Variants in APBA2 observed in about 807,000 individuals in gnomAD.
APBA2 encodes the protein amyloid beta precursor protein binding family A member 2, also known as amyloid-beta A4 precursor protein-binding family A member 2.
APBA2 carries 30 observed loss-of-function variants against 75.0 expected under a neutral mutation model. That is an observed-to-expected ratio of 0.40 (90% confidence interval 0.30 to 0.54). The LOEUF (loss-of-function observed/expected upper bound fraction) is 0.54. APBA2 is among the 20% of genes least tolerant of loss of function. The pLI is 0.49. For missense variants in APBA2, 801 were observed against 1,016.1 expected, an observed-to-expected ratio of 0.79 and a Z score of 2.88; for synonymous variants, 444 against 409.6, an observed-to-expected ratio of 1.08 and a Z score of -1.01.
At chr15:28,937,113 A>G (rs1352280588) in intron 2 of APBA2, among the ~76,000 whole-genome samples, 1 of 152,150 alleles carries the variant, frequency 6.6e-6, no homozygotes, top group African/African-American at 2.4e-5. Context: ...CAGGCCTCCC[A>G]TGTGCCCGGT....
At chr15:29,096,775 C>T (rs1337397668) in intron 8 of APBA2, among the ~76,000 whole-genome samples, 1 of 152,186 alleles carries the variant, frequency 6.6e-6, no homozygotes, top group East Asian at 1.9e-4. Context: ...ATAGTTTTTG[C>T]TGTTTCGAAA....
intron 1 of APBA2, among the ~76,000 whole-genome samples, chr15:28,890,842 T>C (rs185727168): frequency 6.6e-6 from 1 of 152,370 alleles, no homozygotes; most frequent in Admixed American, 6.5e-5. Flanking sequence ...CCACGTAGCC[T>C]TGGGCCTGTG....
intron 1 of APBA2, among the ~76,000 whole-genome samples, chr15:28,920,778 G>A (rs1048364008): frequency 6.6e-6 from 1 of 152,204 alleles, no homozygotes; most frequent in Admixed American, 6.5e-5. Context: ...GGGGTTGGGA[G>A]CAGGTGCTGG....
chr15:28,978,221 C>T (rs1431957512), intron 2 of APBA2, among the ~76,000 whole-genome samples: 8 of 152,198 alleles, frequency 5.3e-5, no homozygotes, highest in Non-Finnish European at 8.8e-5. Context: ...TCATTCATGT[C>T]GCTTCCCAGT....
At chr15:29,086,236 C>A (rs927262959) in intron 6 of APBA2, among the ~76,000 whole-genome samples, 3 of 152,158 alleles carry the variant, frequency 2.0e-5, no homozygotes, top group Non-Finnish European at 4.4e-5. Flanking sequence ...AGTGGATGCT[C>A]CCCTCTTCAG....
chr15:29,048,587 A>G (rs534457063), intron 3 of APBA2, among the ~76,000 whole-genome samples: 1 of 152,338 alleles, frequency 6.6e-6, no homozygotes, highest in East Asian at 1.9e-4. Context: ...TGCTGGGCAG[A>G]TAGAAATGAT....
chr15:28,950,674 T>C (rs992764471), intron 2 of APBA2, among the ~76,000 whole-genome samples: 7 of 151,842 alleles, frequency 4.6e-5, no homozygotes. Flanking sequence ...CTTCTTTCCA[T>C]AGTCCTCCCT....
At chr15:28,942,686 A>G (rs894838237) in intron 2 of APBA2, among the ~76,000 whole-genome samples, 10 of 152,134 alleles carry the variant, frequency 6.6e-5, no homozygotes, top group East Asian at 2.0e-4. Flanking sequence ...CCAGGGACAC[A>G]TGTGTGGCTC....
At chr15:28,936,655 G>A (rs1034584475) in intron 2 of APBA2, among the ~76,000 whole-genome samples, 12 of 152,254 alleles carry the variant, frequency 7.9e-5, no homozygotes, top group Non-Finnish European at 1.3e-4. Flanking sequence ...GCGAGGCAGA[G>A]AGTTGGCTGG....
At chr15:28,989,832 A>T (rs574180044) in intron 2 of APBA2, among the ~76,000 whole-genome samples, 1 of 152,050 alleles carries the variant, frequency 6.6e-6, no homozygotes, top group African/African-American at 2.4e-5. Flanking sequence ...CTTCCCCTTC[A>T]TCCTGGCCTG....
intron 2 of APBA2, among the ~76,000 whole-genome samples, chr15:28,948,249 T>C (rs1225853731): frequency 6.6e-6 from 1 of 152,236 alleles, no homozygotes; most frequent in Non-Finnish European, 1.5e-5. Flanking sequence ...AGGGGCCCTT[T>C]GGGCTGAGGC....
At chr15:28,948,079 G>A (rs115848926) in intron 2 of APBA2, among the ~76,000 whole-genome samples, 1,606 of 152,290 alleles carry the variant, frequency 0.011, 36 homozygotes, top group African/African-American at 0.037. Context: ...GAGAGGTGAT[G>A]ATGTGGTTAT....
intron 3 of APBA2, among the ~76,000 whole-genome samples, chr15:29,009,335 A>C (rs185273878): frequency 1.5e-4 from 23 of 152,330 alleles, no homozygotes; most frequent in Admixed American, 1.4e-3. Flanking sequence ...GAAGCTTTGG[A>C]CAGTCACCTT....
chr15:29,054,691 G>A lies in APBA2; in HGVS notation c.807G>A (p.Lys269=). 6.2e-7 allele frequency: 1 copy of A among 1,614,014 alleles called. No individual in the cohort carries two copies. Residue 269 remains lysine (K), a synonymous_variant, in exon 4 of 15, where the codon AAG becomes AAA. Transcript: ENST00000683413. The surrounding 1 kb of genome is among the most constrained non-coding windows in gnomAD (Gnocchi z 6.1). ...CTGTAGAGGCCTGCCCACCCATCAA[G>A]GCCAGCTGCAGCCCCAGCAGGCACG... ...EDSVEACPPI[K]ASCSPSRHEA...
At chr15:28,955,186 G>T (rs1187139425) in intron 2 of APBA2, among the ~76,000 whole-genome samples, 3 of 151,958 alleles carry the variant, frequency 2.0e-5, no homozygotes, top group South Asian at 4.1e-4. Context: ...CTACATTATA[G>T]ACCTCAAGCA....
At chr15:28,936,183 T>C (rs2034858516) in intron 2 of APBA2, among the ~76,000 whole-genome samples, 1 of 152,216 alleles carries the variant, frequency 6.6e-6, no homozygotes, top group Non-Finnish European at 1.5e-5. Context: ...GTTTTGCGTT[T>C]GCTCCTCCAG....
intron 2 of APBA2, among the ~76,000 whole-genome samples, chr15:28,951,827 C>T (rs566998483): frequency 5.3e-4 from 81 of 151,416 alleles, no homozygotes; most frequent in Non-Finnish European, 3.5e-4. Context: ...ATGATCCATC[C>T]GCCTTGGCCT....
intron 3 of APBA2, among the ~76,000 whole-genome samples, chr15:29,004,355 G>A (rs2039002951): frequency 6.6e-6 from 1 of 152,148 alleles, no homozygotes; most frequent in African/African-American, 2.4e-5. Flanking sequence ...ATGCCCCAGA[G>A]ACAATCAGTG....
chr15:29,032,834 C>G (rs778538759), intron 3 of APBA2, among the ~76,000 whole-genome samples: 1 of 152,176 alleles, frequency 6.6e-6, no homozygotes, highest in Admixed American at 6.5e-5. Context: ...GACCAGATCC[C>G]GGATCCTTTC....
Sources: gnomAD v4.1 joint callset for allele counts (sites outside exome capture counted in the v4.1 genomes callset) on GRCh38, gnomAD v4.1.1 for gene constraint, Gnocchi (gnomAD v3.1) non-coding constraint, MANE v1.5 for transcripts, NCBI Gene and HGNC (gene_info 2026-07-23, HGNC 2026-07-21) for gene names.